TLE4: variants seen among roughly 807,000 people sequenced by gnomAD.
TLE4 encodes transducin-like enhancer protein 4.
A neutral mutation model predicts 92.8 loss-of-function variants in TLE4; 8 were observed. The observed-to-expected ratio is 0.09, with a 90% CI of 0.05 to 0.16. The LOEUF is 0.16. TLE4 is among the 10% of genes least tolerant of loss of function. The pLI is 1.00. For missense variants in TLE4, 675 were observed against 997.6 expected (o/e 0.68, Z 4.36); for synonymous variants, 371 against 374.1 (o/e 0.99, Z 0.10).
At chr9:79,631,169 G>A (rs1282282600) in intron 6 of TLE4, among the ~76,000 whole-genome samples, 2 of 152,286 alleles carry the variant, frequency 1.3e-5, no homozygotes, top group African/African-American at 2.4e-5. Context: ...AATTGTGAAG[G>A]CAATAACAAG....
intron 4 of TLE4, among the ~76,000 whole-genome samples, chr9:79,586,440 A>G (rs1053268514): frequency 2.0e-5 from 3 of 152,160 alleles, no homozygotes; most frequent in Admixed American, 6.5e-5. Context: ...TTTTCTTCCA[A>G]AGATGTGCAA....
intron 7 of TLE4, chr9:79,653,047 C>T: frequency 1.9e-6 from 1 of 525,134 alleles, no homozygotes. Context: ...TTGCTACCTT[C>T]TATGTTCCCC....
In TLE4 at chr9:79,706,915, C is replaced by G; in HGVS notation, c.936+16C>G. 1 of 1,612,768 alleles carries G rather than the reference C, an allele frequency of 6.2e-7. No homozygotes were observed. Among genetic ancestry groups the G allele is most frequent in the Non-Finnish European group, 8.5e-7 (1 of 1,179,354 alleles). ...ACTTAGCCTTGTAAGCAGCTCCTTA[C>G]CATCTCTCTGAGTGTGGCCTCTGCC... On this transcript the variant is annotated intron_variant, in intron 11 of 19. Transcript: ENST00000376552.
intron 4 of TLE4, among the ~76,000 whole-genome samples, chr9:79,601,044 T>C (rs1334231446): frequency 6.6e-6 from 1 of 152,192 alleles, no homozygotes; most frequent in Non-Finnish European, 1.5e-5. Flanking sequence ...GGTCAGGTGA[T>C]CAGCAATCTG....
At chr9:79,646,735 CT>C (rs2058161185) in intron 6 of TLE4, among the ~76,000 whole-genome samples, 1 of 151,948 alleles carries the variant, frequency 6.6e-6, no homozygotes, top group Non-Finnish European at 1.5e-5. Flanking sequence ...ATTTTAAAGC[CT>C]ACTGTAATAT....
intron 8 of TLE4, among the ~76,000 whole-genome samples, chr9:79,668,518 C>T (rs573523852): frequency 7.2e-5 from 11 of 152,278 alleles, no homozygotes; most frequent in African/African-American, 2.4e-4. Flanking sequence ...GTGAGAGAAT[C>T]AAGGAGGTCA....
chr9:79,723,873 A>G (rs767416103), intron 19 of TLE4, among the ~76,000 whole-genome samples: 1 of 152,162 alleles, frequency 6.6e-6, no homozygotes, highest in Non-Finnish European at 1.5e-5. Flanking sequence ...ATCACTTGTT[A>G]GATAGTCCCA....
At chr9:79,662,634 G>C (rs2060700662) in intron 8 of TLE4, among the ~76,000 whole-genome samples, 1 of 152,154 alleles carries the variant, frequency 6.6e-6, no homozygotes, top group Non-Finnish European at 1.5e-5. Context: ...ACTAGAAGCA[G>C]ATGTCTGATT....
In TLE4 at chr9:79,662,919, T is replaced by A. The variant is rs930065139; in HGVS notation, c.609+8844T>A. 9.2e-5 allele frequency among the ~76,000 whole-genome samples: 14 copies of A among 152,150 alleles called. 1 individual carries two copies. The highest frequency in any genetic ancestry group is 1.3e-4 in the Admixed American group (2 of 15,266). On this transcript the variant is annotated intron_variant, in intron 8 of 19. Transcript: ENST00000376552. ...CTGGCTTTATTTTTCTCCTCTTCAT[T>A]CCAGATCCTCCCTCGCCCCCACAAG...
At chr9:79,707,017 A>G (rs995340684) in intron 11 of TLE4, 118 bp downstream of exon 11, 8 of 1,562,454 alleles carry the variant, frequency 5.1e-6, no homozygotes, top group Admixed American at 3.6e-5. Flanking sequence ...CCAAATGTAT[A>G]TATGTTCGGT....
intron 8 of TLE4, among the ~76,000 whole-genome samples, chr9:79,679,503 A>C (rs1408841664): frequency 1.3e-5 from 2 of 152,036 alleles, no homozygotes; most frequent in Admixed American, 1.3e-4. Context: ...TTCATTGTAG[A>C]TTCTGGATAT....
Position 79,725,198 on chromosome 9 carries a change from C to A in TLE4, c.*54C>A. 1 of 1,368,854 alleles carries A rather than the reference C, an allele frequency of 7.3e-7. No homozygotes were observed. The highest frequency in any genetic ancestry group is 1.0e-6 in the Non-Finnish European group (1 of 962,594). 84.8% of individuals were successfully genotyped at this position (1,368,854 alleles called of 1,614,324 possible). A position where few individuals can be genotyped will look rare whatever the true frequency, so the allele number is the denominator to read the frequency against. ...TCCTCCTGGTAGCACTTTGCTCTGT[C>A]ATCCTTTTTGTTCACCCCCATCCCC... is the stretch of plus-strand genomic sequence containing the variant. On this transcript the variant is annotated 3_prime_UTR_variant, in exon 20 of 20. Coordinates refer to ENST00000376552, the MANE Select transcript of TLE4 (RefSeq NM_007005.6).
chr9:79,617,455 T>C (rs75481072), intron 5 of TLE4, among the ~76,000 whole-genome samples: 3,041 of 152,298 alleles, frequency 0.02, 42 homozygotes, highest in Non-Finnish European at 0.032. Flanking sequence ...CCTCAAACTC[T>C]TGAAAAGCAG....
intron 4 of TLE4, among the ~76,000 whole-genome samples, chr9:79,596,970 T>C (rs569736997): frequency 5.3e-4 from 80 of 152,378 alleles, no homozygotes; most frequent in African/African-American, 1.7e-3. Flanking sequence ...CACTTGATTC[T>C]GAATTCTTCC....
chr9:79,592,210 T>TTCC (rs3057745), intron 4 of TLE4, among the ~76,000 whole-genome samples: 28,072 of 127,818 alleles, frequency 0.22, 3,208 homozygotes, highest in African/African-American at 0.31. Context: ...CTTCTTCTTC[T>TTCC]TCTTCCTCTT....
chr9:79,702,964 G>A (rs1268406937), intron 8 of TLE4, among the ~76,000 whole-genome samples: 1 of 152,004 alleles, frequency 6.6e-6, no homozygotes, highest in East Asian at 1.9e-4. Flanking sequence ...AAAAGTTCTG[G>A]GTAACACACT....
intron 5 of TLE4, among the ~76,000 whole-genome samples, chr9:79,622,618 CACTG>C (rs574940788): frequency 6.7e-4 from 102 of 152,286 alleles, no homozygotes; most frequent in African/African-American, 2.2e-3. Context: ...AGCATTAATT[CACTG>C]ACTGTTTTCC....
intron 14 of TLE4, among the ~76,000 whole-genome samples, chr9:79,710,219 T>G (rs2072904727): frequency 6.6e-6 from 1 of 152,240 alleles, no homozygotes; most frequent in African/African-American, 2.4e-5. Flanking sequence ...CACCAGTTGT[T>G]CTAGCCTTCT....
At chr9:79,592,209 CTT>C (rs1491099474) in intron 4 of TLE4, among the ~76,000 whole-genome samples, 27 of 133,302 alleles carry the variant, frequency 2.0e-4, no homozygotes, top group Admixed American at 7.2e-4. Flanking sequence ...TCTTCTTCTT[CTT>C]CTTCCTCTTC....
Sources: gnomAD v4.1 joint callset for allele counts (sites outside exome capture counted in the v4.1 genomes callset) on GRCh38, gnomAD v4.1.1 for gene constraint, MANE v1.5 for transcripts, NCBI Gene and HGNC (gene_info 2026-07-23, HGNC 2026-07-21) for gene names.